ATXN7: variants seen among roughly 807,000 people sequenced by gnomAD.
ATXN7 encodes the protein ataxin-7.
Under a neutral mutation model 70.5 loss-of-function variants are expected in ATXN7, and 12 were observed. The ratio of observed to expected loss-of-function variants is 0.17; its 90% confidence interval spans 0.11 to 0.28. ATXN7 has a LOEUF of 0.28. Ranked by LOEUF, ATXN7 falls within the 10% of genes least tolerant of loss-of-function variation. The probability of loss-of-function intolerance (pLI) is 1.00; values close to 1 mark genes in which losing one functional copy is unlikely to be tolerated. For synonymous variants in ATXN7, 498 were observed against 448.7 expected (o/e 1.11, Z -1.39); for missense variants, 1,256 against 1,131.7 (o/e 1.11, Z -1.58).
intron 1 of ATXN7, among the ~76,000 whole-genome samples, chr3:63,896,666 T>C (rs114886718): frequency 0.012 from 1,836 of 152,306 alleles, 15 homozygotes; most frequent in Middle Eastern, 0.034. Flanking sequence ...ATAGGTTTTT[T>C]CCCATACTAA....
intron 2 of ATXN7, among the ~76,000 whole-genome samples, chr3:63,908,016 T>C (rs1392698103): frequency 6.6e-6 from 1 of 152,220 alleles, no homozygotes; most frequent in African/African-American, 2.4e-5. Flanking sequence ...TGCAAACATA[T>C]GATTAAGAAA....
At chr3:63,952,835 C>CTTTTTTTT (rs59256288) in intron 5 of ATXN7, among the ~76,000 whole-genome samples, 626 of 49,142 alleles carry the variant, frequency 0.013, 136 homozygotes, top group African/African-American at 0.033. Context: ...ATGCATGGGC[C>CTTTTTTTT]TTTTTTTTTT....
intron 9 of ATXN7, among the ~76,000 whole-genome samples, chr3:63,989,971 C>A (rs763890399): frequency 5.9e-5 from 9 of 152,138 alleles, no homozygotes; most frequent in Non-Finnish European, 1.2e-4. Flanking sequence ...TTGTATCTGG[C>A]AAACAGCTGA....
At chr3:63,966,555 G>A (rs555327052) in intron 5 of ATXN7, among the ~76,000 whole-genome samples, 3 of 152,170 alleles carry the variant, frequency 2.0e-5, no homozygotes, top group African/African-American at 7.2e-5. Context: ...TTGTATGAAC[G>A]TTACTGTAAG....
In ATXN7 at chr3:63,996,273, C is replaced by T; in HGVS notation, c.2451C>T (p.Asn817=). ...ACCAGTCCAATGAACTGCCTGTCAACTCCCACGGCAGTTTTTCCCACTCAC... is the reference window on the plus strand; with the variant it reads ...ACCAGTCCAATGAACTGCCTGTCAATTCCCACGGCAGTTTTTCCCACTCAC... ...FIHQSNELPV[N]SHGSFSHSHT... The change falls in exon 12 of 13, where the codon AAC becomes AAT. Residue 817 remains asparagine, a synonymous_variant. Transcript: ENST00000674280. 1.2e-6 allele frequency: 2 copies of T among 1,614,182 alleles called. No individual in the cohort carries two copies. The highest frequency in any genetic ancestry group is 2.2e-5 in the East Asian group (1 of 44,866).
chr3:63,960,390 G>T (rs1019167270), intron 5 of ATXN7, among the ~76,000 whole-genome samples: 1 of 152,180 alleles, frequency 6.6e-6, no homozygotes, highest in South Asian at 2.1e-4. Context: ...ATGGGAAGTC[G>T]CTGGAGGGTT....
At chr3:63,882,033 A>G (rs755569177) in intron 1 of ATXN7, among the ~76,000 whole-genome samples, 27 of 152,332 alleles carry the variant, frequency 1.8e-4, no homozygotes, top group Non-Finnish European at 2.1e-4. Context: ...AGCAAAGAAC[A>G]CATTTTAACT....
chr3:63,864,528 C>G (rs1320745376), intron 1 of ATXN7: 1 of 152,184 alleles, frequency 6.6e-6, no homozygotes, highest in Non-Finnish European at 1.5e-5. Flanking sequence ...TGCGGCCGCC[C>G]CCTTCCTTCC....
chr3:63,942,110 G>A lies in ATXN7; in HGVS notation c.395-10269G>A, dbSNP rs6772000. On this transcript the variant is annotated intron_variant, in intron 4 of 12. Coordinates refer to ENST00000674280, the MANE Select transcript of ATXN7 (RefSeq NM_001377405.1). ...AGTACAGAGGTACCCGCAGGAGTCT[G>A]CTGGCAGATAGGAACAGCTTGATTG... Among the ~76,000 whole-genome samples the A allele has an allele frequency of 2.0e-3, 300 of 152,318 alleles. 1 individual carries two copies. Among genetic ancestry groups the A allele is most frequent in the African/African-American group, 6.9e-3 (286 of 41,572 alleles).
chr3:63,943,469 C>T (rs1261094025), intron 4 of ATXN7, among the ~76,000 whole-genome samples: 1 of 152,126 alleles, frequency 6.6e-6, no homozygotes, highest in African/African-American at 2.4e-5. Context: ...GCTCAGAGAC[C>T]AAAGGACGAC....
At chr3:63,913,251 T>C (rs767613596) in intron 4 of ATXN7, 26 bp downstream of exon 4, 22 of 1,607,392 alleles carry the variant, frequency 1.4e-5, no homozygotes, top group Non-Finnish European at 1.9e-5. Flanking sequence ...CTGATGGAGT[T>C]TGTACAAACC....
chr3:63,941,036 G>A (rs749384808), intron 4 of ATXN7, among the ~76,000 whole-genome samples: 9 of 152,094 alleles, frequency 5.9e-5, no homozygotes, highest in Non-Finnish European at 1.2e-4. Flanking sequence ...CATTCCTAAC[G>A]CAGGTTCCTC....
chr3:63,915,171 G>T (rs375575459), intron 4 of ATXN7, among the ~76,000 whole-genome samples: 3 of 152,126 alleles, frequency 2.0e-5, no homozygotes, highest in African/African-American at 7.2e-5. Context: ...TCCTAACCTC[G>T]TGACCCACCT....
rs1491364139 is a variant in ATXN7 at position 63,912,705 on chromosome 3, A to AGCAGCG, written c.112_113insGGCAGC (p.Gln37_Gln38insArgGln). 8.4e-7 allele frequency: 1 copy of AGCAGCG among 1,194,300 alleles called. No individual in the cohort carries two copies. Among genetic ancestry groups the AGCAGCG allele is most frequent in the East Asian group, 4.4e-5 (1 of 22,840 alleles). 74.0% of individuals were successfully genotyped at this position (1,194,300 alleles called of 1,614,324 possible). The stretch of plus-strand genomic sequence containing the variant: ...GCCCGGCAGCAGCAGCAGCAGCAGC[A>AGCAGCG]GCAGCAGCAGCCGCCGCCTCCGCAG... On this transcript the variant is annotated inframe_insertion, in exon 3 of 13. Coordinates refer to ENST00000674280, the MANE Select transcript of ATXN7 (RefSeq NM_001377405.1).
At position 63,996,103 on chromosome 3, in the gene ATXN7, G is replaced by T; in HGVS notation, c.2281G>T (p.Val761Leu). The change falls in exon 12 of 13, where the codon GTG becomes TTG. Residue 761 changes from valine to leucine, a missense_variant. By Grantham distance (32) the Val-to-Leu change is conservative (BLOSUM62 1). Coordinates refer to ENST00000674280, the MANE Select transcript of ATXN7 (RefSeq NM_001377405.1). ...TSSHSIGLNC[V>L]TNKANAVNVR... Reference sequence around the variant, plus strand: ...TTCCCATAGCATCGGCCTCAACTGTGTGACGAATAAAGCAAATGCGGTGAA... The same window carrying T: ...TTCCCATAGCATCGGCCTCAACTGTTTGACGAATAAAGCAAATGCGGTGAA... The T allele has an allele frequency of 1.9e-6, 3 of 1,614,188 alleles. No homozygotes were observed. The highest frequency in any genetic ancestry group is 2.5e-6 in the Non-Finnish European group (3 of 1,180,042).
intron 11 of ATXN7, among the ~76,000 whole-genome samples, chr3:63,991,581 CAGTT>C (rs2075672458): frequency 1.3e-5 from 2 of 151,992 alleles, no homozygotes; most frequent in African/African-American, 4.8e-5. Context: ...TCAGAAAAGA[CAGTT>C]TGTTGAAGAA....
At chr3:63,989,994 G>T (rs553983586) in intron 9 of ATXN7, among the ~76,000 whole-genome samples, 182 bp from the exon 10 acceptor site, 1 of 152,316 alleles carries the variant, frequency 6.6e-6, no homozygotes, top group Admixed American at 6.5e-5. Context: ...TTAACATCCT[G>T]CAGTTCAGGA....
intron 4 of ATXN7, among the ~76,000 whole-genome samples, chr3:63,931,256 G>C (rs1039623235): frequency 3.3e-5 from 5 of 152,128 alleles, no homozygotes; most frequent in African/African-American, 1.2e-4. Flanking sequence ...GAAGTTTGCT[G>C]ATTTATTGTT....
At chr3:63,960,340 T>C (rs1403781249) in intron 5 of ATXN7, among the ~76,000 whole-genome samples, 1 of 152,154 alleles carries the variant, frequency 6.6e-6, no homozygotes, top group Non-Finnish European at 1.5e-5. Context: ...CACTGGGCCC[T>C]GCAAGCCATG....
Sources: allele counts gnomAD v4.1 joint callset (sites outside exome capture counted in the v4.1 genomes callset), GRCh38; gene constraint gnomAD v4.1.1; transcripts MANE v1.5; gene names NCBI Gene and HGNC (gene_info 2026-07-23, HGNC 2026-07-21).